TOM1L2: variants seen among roughly 807,000 people sequenced by gnomAD.
TOM1L2 encodes TOM1-like protein 2.
Under a neutral mutation model 67.9 loss-of-function variants are expected in TOM1L2, and 31 were observed. The observed-to-expected ratio is 0.46, with a 90% CI of 0.34 to 0.62. The LOEUF (loss-of-function observed/expected upper bound fraction) is 0.62, where lower values mean the gene tolerates loss of function less well. Ranked by LOEUF, TOM1L2 falls within the 20% of genes least tolerant of loss-of-function variation. The pLI is 0.01. For synonymous variants in TOM1L2, 256 were observed against 254.0 expected, an observed-to-expected ratio of 1.01 and a Z score of -0.07; for missense variants, 606 against 663.5, an observed-to-expected ratio of 0.91 and a Z score of 0.95.
chr17:17,901,137 C>G (rs1451289921), intron 2 of TOM1L2, among the ~76,000 whole-genome samples: 3 of 152,046 alleles, frequency 2.0e-5, no homozygotes, highest in Non-Finnish European at 4.4e-5. Context: ...AAGTACTGGC[C>G]GAGAGTGATG....
chr17:17,873,657 G>A (rs2037267548), intron 7 of TOM1L2, among the ~76,000 whole-genome samples: 1 of 152,256 alleles, frequency 6.6e-6, no homozygotes, highest in African/African-American at 2.4e-5. Context: ...CCTCAACAGA[G>A]CCCTAGCCCC....
chr17:17,948,450 C>T (rs947412037), intron 1 of TOM1L2, among the ~76,000 whole-genome samples: 2 of 152,128 alleles, frequency 1.3e-5, no homozygotes, highest in African/African-American at 4.8e-5. Context: ...GGTTTGAGAC[C>T]AGCTTGGCCA....
At chr17:17,955,143 G>A (rs550754226) in intron 1 of TOM1L2, among the ~76,000 whole-genome samples, 1 of 152,108 alleles carries the variant, frequency 6.6e-6, no homozygotes, top group Non-Finnish European at 1.5e-5. Flanking sequence ...CAGCTGACAA[G>A]TGAGAAGACT....
chr17:17,959,696 T>A (rs1003355708), intron 1 of TOM1L2, among the ~76,000 whole-genome samples: 7 of 152,218 alleles, frequency 4.6e-5, no homozygotes, highest in African/African-American at 1.7e-4. Context: ...CACAGTGTCC[T>A]ATTACAGGAC....
chr17:17,848,014 A>G (rs1381963244), intron 14 of TOM1L2, among the ~76,000 whole-genome samples: 1 of 151,738 alleles, frequency 6.6e-6, no homozygotes, highest in Non-Finnish European at 1.5e-5. Context: ...CAGAGTGCTC[A>G]CCCTACCGCT....
chr17:17,968,813 C>T (rs1433786047), intron 1 of TOM1L2, among the ~76,000 whole-genome samples: 1 of 152,138 alleles, frequency 6.6e-6, no homozygotes, highest in Non-Finnish European at 1.5e-5. Context: ...TGCCCCACTC[C>T]CTGCCTCATT....
intron 12 of TOM1L2, among the ~76,000 whole-genome samples, chr17:17,852,637 G>A (rs2036037517): frequency 6.6e-6 from 1 of 152,070 alleles, no homozygotes; most frequent in South Asian, 2.1e-4. Flanking sequence ...AGGCCGAGGC[G>A]GGCAGATCAC....
intron 4 of TOM1L2, among the ~76,000 whole-genome samples, chr17:17,892,498 T>C (rs2038339733): frequency 6.6e-6 from 1 of 152,068 alleles, no homozygotes; most frequent in South Asian, 2.1e-4. Flanking sequence ...TCTGCACACA[T>C]CCCAGCTCAG....
Position 17,971,845 on chromosome 17 carries a change from T to G in TOM1L2, c.52+417A>C, listed in dbSNP as rs1362334829. ...GCCTCAGGGGTGCCTCCTGGCAGAG[T>G]GGCACTGGCGCGCCCGTGAGGTGGC... is the stretch of plus-strand genomic sequence containing the variant. On this transcript the variant is annotated intron_variant, in intron 1 of 14. Coordinates refer to ENST00000379504, the MANE Select transcript of TOM1L2 (RefSeq NM_001082968.2). 2.0e-5 allele frequency among the ~76,000 whole-genome samples: 3 copies of G among 152,304 alleles called. No homozygotes were observed. The East Asian group carries it at 5.8e-4, about 29-fold the overall frequency.
intron 12 of TOM1L2, among the ~76,000 whole-genome samples, chr17:17,852,636 C>T (rs1023174064): frequency 2.0e-5 from 3 of 152,052 alleles, no homozygotes; most frequent in East Asian, 1.9e-4. Flanking sequence ...GAGGCCGAGG[C>T]GGGCAGATCA....
At chr17:17,911,858 TA>T (rs2039367949) in intron 1 of TOM1L2, among the ~76,000 whole-genome samples, 1 of 147,904 alleles carries the variant, frequency 6.8e-6, no homozygotes, top group South Asian at 2.3e-4. Flanking sequence ...TGACGACTCT[TA>T]ACGAGCATGC....
chr17:17,871,484 A>C (rs960435068), intron 7 of TOM1L2, among the ~76,000 whole-genome samples: 1 of 152,216 alleles, frequency 6.6e-6, no homozygotes, highest in Non-Finnish European at 1.5e-5. Flanking sequence ...AGCTTGGCCA[A>C]CATGGTAAAA....
At chr17:17,904,062 G>A (rs995230458) in intron 2 of TOM1L2, among the ~76,000 whole-genome samples, 4 of 152,084 alleles carry the variant, frequency 2.6e-5, no homozygotes, top group Non-Finnish European at 1.5e-5. Context: ...CAAACACCTA[G>A]GCTCAAGCAA....
At chr17:17,944,261 G>A (rs945922210) in intron 1 of TOM1L2, among the ~76,000 whole-genome samples, 1 of 152,264 alleles carries the variant, frequency 6.6e-6, no homozygotes, top group Non-Finnish European at 1.5e-5. Flanking sequence ...AGGTGAGGAC[G>A]GCAGGATGCT....
intron 14 of TOM1L2, 117 bp downstream of exon 14, chr17:17,848,706 G>A (rs1476804260): frequency 8.7e-7 from 1 of 1,153,160 alleles, no homozygotes. Context: ...CATGGCTCAG[G>A]GCCTGGCACC....
chr17:17,917,219 G>A (rs1234049896), intron 1 of TOM1L2, among the ~76,000 whole-genome samples: 3 of 151,468 alleles, frequency 2.0e-5, no homozygotes, highest in Non-Finnish European at 4.4e-5. Context: ...GTTGTCCCAG[G>A]TGCTTGGGAG....
intron 6 of TOM1L2, among the ~76,000 whole-genome samples, chr17:17,881,851 T>C (rs987016052): frequency 2.6e-5 from 4 of 152,124 alleles, no homozygotes; most frequent in East Asian, 1.9e-4. Flanking sequence ...TACACACACA[T>C]TGCTATCCCT....
chr17:17,882,951 C>A, intron 5 of TOM1L2, 88 bp from the exon 6 acceptor site: 1 of 1,504,380 alleles, frequency 6.6e-7, no homozygotes. Context: ...CAGCACTTCC[C>A]CAAGGCTGCC....
intron 3 of TOM1L2, among the ~76,000 whole-genome samples, chr17:17,895,787 T>G (rs2038538430): frequency 6.6e-6 from 1 of 152,132 alleles, no homozygotes; most frequent in South Asian, 2.1e-4. Flanking sequence ...GATTTATTGT[T>G]CCCCCCTTTG....
Sources: gnomAD v4.1 joint callset for allele counts (sites outside exome capture counted in the v4.1 genomes callset) on GRCh38, gnomAD v4.1.1 for gene constraint, MANE v1.5 for transcripts, NCBI Gene and HGNC (gene_info 2026-07-23, HGNC 2026-07-21) for gene names.